Variants in SERPINB8 observed in about 807,000 individuals in gnomAD.
SERPINB8 encodes the protein serpin family B member 8, also known as serpin B8.
A neutral mutation model predicts 35.3 loss-of-function variants in SERPINB8; 25 were observed. That is an observed-to-expected ratio of 0.71 (90% CI 0.52 to 0.99). The LOEUF is 0.99. Ranked by LOEUF, SERPINB8 falls within the 50% of genes least tolerant of loss-of-function variation. The pLI is 0.00. For missense variants in SERPINB8, 484 were observed against 446.5 expected (o/e 1.08, Z -0.76); for synonymous variants, 186 against 160.8 (o/e 1.16, Z -1.19).
intron 1 of SERPINB8, among the ~76,000 whole-genome samples, chr18:63,995,098 TG>T (rs1568282413): frequency 6.6e-6 from 1 of 152,066 alleles, no homozygotes; most frequent in Admixed American, 6.5e-5. Flanking sequence ...TACCAGACCA[TG>T]GGGGGCCCAG....
chr18:64,008,365 C>A (rs2050909986), downstream of SERPINB8, among the ~76,000 whole-genome samples: 1 of 152,020 alleles, frequency 6.6e-6, no homozygotes, highest in South Asian at 2.1e-4. Context: ...GCCTCAACCT[C>A]TTGAGTAGCT....
intron 3 of SERPINB8, among the ~76,000 whole-genome samples, chr18:63,981,293 A>G (rs977645163): frequency 7.2e-5 from 11 of 152,266 alleles, no homozygotes; most frequent in African/African-American, 1.7e-4. Flanking sequence ...TTAACAATCT[A>G]GTTCCCTTAT....
chr18:63,978,739 T>C (rs1959075939), intron 2 of SERPINB8, among the ~76,000 whole-genome samples: 1 of 152,246 alleles, frequency 6.6e-6, no homozygotes, highest in Non-Finnish European at 1.5e-5. Flanking sequence ...CAAATTCACA[T>C]CTTTGATAAG....
chr18:63,973,673 G>C (rs1347718919), intron 1 of SERPINB8, among the ~76,000 whole-genome samples: 1 of 152,166 alleles, frequency 6.6e-6, no homozygotes. Flanking sequence ...TTTGTATAAG[G>C]TGTAAGGAAG....
At chr18:63,995,175 T>C (rs149476450) in intron 1 of SERPINB8, among the ~76,000 whole-genome samples, 90 of 152,286 alleles carry the variant, frequency 5.9e-4, no homozygotes, top group Middle Eastern at 3.4e-3. Flanking sequence ...ATGCTTGTTG[T>C]CATCCCTCCC....
chr18:63,994,482 G>A (rs1447843105), intron 1 of SERPINB8, among the ~76,000 whole-genome samples: 1 of 152,138 alleles, frequency 6.6e-6, no homozygotes, highest in Non-Finnish European at 1.5e-5. Context: ...TGAGGGTACC[G>A]CAGAACACTT....
In SERPINB8 at chr18:63,987,599, T is replaced by TATGTGCTC; in HGVS notation, c.*321_*322insATGTGCTC. On this transcript the variant is annotated 3_prime_UTR_variant, in exon 7 of 7. Coordinates refer to ENST00000397985, the MANE Select transcript of SERPINB8 (RefSeq NM_002640.4). ...CTCAGGGCTTCAGGAGCCAGCCCTC[T>TATGTGCTC]TCCATCCGCCCGGCTCTGCCCACCA... is the stretch of plus-strand genomic sequence containing the variant. 3.7e-6 allele frequency: 1 copy of TATGTGCTC among 270,382 alleles called. No individual in the cohort carries two copies. The allele number at this position is 270,382 out of a possible 1,614,324, so 16.7% of individuals were successfully genotyped here.
rs1378307683 is a variant in SERPINB8 at position 63,988,051 on chromosome 18, T to A, written c.*773T>A. 6.6e-6 allele frequency: 1 copy of A among 152,218 alleles called. No homozygotes were observed. Among genetic ancestry groups the A allele is most frequent in the African/African-American group, 2.4e-5 (1 of 41,458 alleles). 9.4% of individuals were successfully genotyped at this position (152,218 alleles called of 1,614,324 possible). A position where few individuals can be genotyped will look rare whatever the true frequency, so the allele number is the denominator to read the frequency against. On this transcript the variant is annotated 3_prime_UTR_variant, in exon 7 of 7. Coordinates refer to ENST00000397985, the MANE Select transcript of SERPINB8 (RefSeq NM_002640.4). ...CCTTAGTTAAGAAAGAACCTCCATA[T>A]ACATTAATTTTTTTCTGCCTAAAAA...
At chr18:63,975,197 G>C (rs1297770546) in intron 1 of SERPINB8, among the ~76,000 whole-genome samples, 4 of 151,950 alleles carry the variant, frequency 2.6e-5, no homozygotes, top group Admixed American at 6.6e-5. Context: ...TGCTAAGGTT[G>C]GATCAAATCC....
At chr18:64,008,965 A>C (rs942713368), downstream of SERPINB8, among the ~76,000 whole-genome samples, 2 of 152,172 alleles carry the variant, frequency 1.3e-5, no homozygotes, top group African/African-American at 4.8e-5. Context: ...ATCAGTATAT[A>C]AAGAGGTTAG....
intron 5 of SERPINB8, among the ~76,000 whole-genome samples, chr18:63,983,931 C>T (rs1469395660): frequency 1.3e-5 from 2 of 152,188 alleles, no homozygotes; most frequent in Non-Finnish European, 2.9e-5. Flanking sequence ...ACTGCAGCCT[C>T]GACCTCCCAG....
chr18:63,979,712 G>GTT, intron 2 of SERPINB8, 89 bp from the exon 3 acceptor site: 1 of 1,510,692 alleles, frequency 6.6e-7, no homozygotes, highest in Non-Finnish European at 9.1e-7. Flanking sequence ...ATCCTGTGTG[G>GTT]TTTTTTTAGT....
At chr18:63,984,995 G>A (rs2050728483) in intron 5 of SERPINB8, 98 bp from the exon 6 acceptor site, 10 of 1,175,730 alleles carry the variant, frequency 8.5e-6, no homozygotes, top group East Asian at 2.5e-5. Context: ...TGCAGAAACA[G>A]TAATTATACA....
intron 1 of SERPINB8, among the ~76,000 whole-genome samples, chr18:63,997,483 C>T (rs1231431405): frequency 6.6e-6 from 1 of 152,208 alleles, no homozygotes; most frequent in Admixed American, 6.5e-5. Context: ...AACTCAGATA[C>T]AAGGACCTTC....
chr18:63,986,374 T>C (rs2050754541), intron 6 of SERPINB8: 3 of 1,570,278 alleles, frequency 1.9e-6, no homozygotes, highest in Non-Finnish European at 2.6e-6. Context: ...TCCCTTCTCA[T>C]GCCTCCCTTC....
downstream of SERPINB8, among the ~76,000 whole-genome samples, chr18:64,009,818 T>G (rs986911614): frequency 6.6e-6 from 1 of 152,122 alleles, no homozygotes; most frequent in African/African-American, 2.4e-5. Flanking sequence ...AGTTAACTGT[T>G]GAAAAAATTA....
At chr18:63,997,076 G>A (rs906506253) in intron 1 of SERPINB8, among the ~76,000 whole-genome samples, 9 of 140,240 alleles carry the variant, frequency 6.4e-5, no homozygotes, top group South Asian at 2.2e-4. Flanking sequence ...CTTTACTATC[G>A]CTCATAGTAG....
At chr18:64,017,683 A>C (rs369286219) in intron 7 of SERPINB8, among the ~76,000 whole-genome samples, 33 of 152,284 alleles carry the variant, frequency 2.2e-4, no homozygotes, top group Admixed American at 5.9e-4. Context: ...GGAGCAAAGA[A>C]AGATTTGAAC....
At chr18:63,974,846 C>T (rs767314490) in intron 1 of SERPINB8, among the ~76,000 whole-genome samples, 6 of 151,982 alleles carry the variant, frequency 3.9e-5, no homozygotes, top group Non-Finnish European at 8.8e-5. Flanking sequence ...AGGGGGTGCA[C>T]TTGTGTGTGA....
Sources: allele counts gnomAD v4.1 joint callset (sites outside exome capture counted in the v4.1 genomes callset), GRCh38; gene constraint gnomAD v4.1.1; transcripts MANE v1.5; gene names NCBI Gene and HGNC (gene_info 2026-07-23, HGNC 2026-07-21).